Variants in ARHGEF10L observed in about 807,000 individuals in gnomAD.
ARHGEF10L encodes the protein Rho guanine nucleotide exchange factor 10 like.
A neutral mutation model predicts 141.2 loss-of-function variants in ARHGEF10L; 69 were observed. The ratio of observed to expected loss-of-function variants is 0.49; its 90% confidence interval spans 0.40 to 0.60. The LOEUF (loss-of-function observed/expected upper bound fraction) is 0.60. ARHGEF10L is among the 20% of genes least tolerant of loss of function. The pLI, the probability that ARHGEF10L is intolerant of heterozygous loss-of-function variation, is 0.00. For missense variants in ARHGEF10L, 1,482 were observed against 1,734.3 expected, an observed-to-expected ratio of 0.85 and a Z score of 2.58; for synonymous variants, 711 against 718.5, an observed-to-expected ratio of 0.99 and a Z score of 0.17.
intron 25 of ARHGEF10L, among the ~76,000 whole-genome samples, chr1:17,658,561 G>A (rs995968587): frequency 6.6e-6 from 1 of 152,134 alleles, no homozygotes; most frequent in Non-Finnish European, 1.5e-5. Context: ...GGAGGACATG[G>A]GGTCTGAAGG....
chr1:17,619,517 G>T lies in ARHGEF10L; in HGVS notation c.942+72G>T. 1 of 1,247,484 alleles carries T rather than the reference G, an allele frequency of 8.0e-7. No homozygotes were observed. Among genetic ancestry groups the T allele is most frequent in the Non-Finnish European group, 1.1e-6 (1 of 896,120 alleles). 77.3% of individuals were successfully genotyped at this position (1,247,484 alleles called of 1,614,324 possible). ...GCTTGGGGGTTCCAGCCTGTTCTCT[G>T]GGGCCACGCTTGTCTGGATCTCACA... On this transcript the variant is annotated intron_variant, in intron 10 of 28. Transcript: ENST00000361221. The surrounding 1 kb of genome is among the most constrained non-coding windows in gnomAD (Gnocchi z 5.0).
chr1:17,660,481 T>C (rs1194821069), intron 25 of ARHGEF10L, among the ~76,000 whole-genome samples: 1 of 152,202 alleles, frequency 6.6e-6, no homozygotes, highest in African/African-American at 2.4e-5. Context: ...CCTGGAGGAT[T>C]GGCACCTCCC....
At position 17,615,977 on chromosome 1, in the gene ARHGEF10L, G is replaced by A; in HGVS notation, c.727-117G>A. ...TTGGCCTTTGCTCACGGACCTGGGA[G>A]GGAAGGGTCTGGGTGGTTCTGATCT... is the stretch of plus-strand genomic sequence containing the variant. On this transcript the variant is annotated intron_variant, in intron 8 of 28. Coordinates refer to ENST00000361221, the MANE Select transcript of ARHGEF10L (RefSeq NM_018125.4). The surrounding 1 kb of genome is among the most constrained non-coding windows in gnomAD (Gnocchi z 4.7). The A allele has an allele frequency of 1.3e-6, 1 of 790,578 alleles. No individual in the cohort carries two copies. The highest frequency in any genetic ancestry group is 2.2e-6 in the Non-Finnish European group (1 of 464,130). The allele number at this position is 790,578 out of a possible 1,614,324, so 49.0% of individuals were successfully genotyped here.
intron 26 of ARHGEF10L, among the ~76,000 whole-genome samples, chr1:17,686,367 A>G (rs2064598392): frequency 6.6e-6 from 1 of 152,220 alleles, no homozygotes; most frequent in Non-Finnish European, 1.5e-5. Context: ...TGTGCCAAGC[A>G]GGTGACAGGC....
rs1240440282 is a variant in ARHGEF10L, at chr1:17,603,070, G to A, written c.350-438G>A. Among the ~76,000 whole-genome samples, 1 of 151,774 alleles carries A rather than the reference G, an allele frequency of 6.6e-6. No individual in the cohort carries two copies. The highest frequency in any genetic ancestry group is 1.5e-5 in the Non-Finnish European group (1 of 67,926). ...CGTGACTTCTTCCTGGAAGGCCTGT[G>A]GGTCAAGGACCGGCTCCCATCAGGG... On this transcript the variant is annotated intron_variant, in intron 5 of 28. Transcript: ENST00000361221. The surrounding 1 kb of genome is among the most constrained non-coding windows in gnomAD (Gnocchi z 4.8).
intron 9 of ARHGEF10L, among the ~76,000 whole-genome samples, chr1:17,616,506 T>G (rs1223749281): frequency 6.6e-6 from 1 of 152,238 alleles, no homozygotes; most frequent in Non-Finnish European, 1.5e-5. Context: ...CTGGCTCACC[T>G]GTCCTCATCT....
At chr1:17,645,473 A>C (rs1033708797) in intron 21 of ARHGEF10L, among the ~76,000 whole-genome samples, 1 of 152,058 alleles carries the variant, frequency 6.6e-6, no homozygotes, top group Non-Finnish European at 1.5e-5. Flanking sequence ...CCCTGGTGAC[A>C]GGGGCTAGGG....
chr1:17,608,811 G>A (rs2059392284), intron 7 of ARHGEF10L, among the ~76,000 whole-genome samples: 1 of 152,130 alleles, frequency 6.6e-6, no homozygotes, highest in Non-Finnish European at 1.5e-5. Flanking sequence ...TTGAGGCAGA[G>A]TCTCACTCTT....
chr1:17,657,007 G>C (rs1557954581), intron 25 of ARHGEF10L, among the ~76,000 whole-genome samples: 1 of 152,190 alleles, frequency 6.6e-6, no homozygotes, highest in African/African-American at 2.4e-5. Context: ...TTCAGGCTTT[G>C]CCCGATGACA....
chr1:17,637,974 C>T lies in ARHGEF10L; in HGVS notation c.2014C>T (p.Leu672Phe). Reference protein sequence around the residue: ...DLAVVEQITLLISTLHGTYQN... With the variant: ...DLAVVEQITLFISTLHGTYQN... ...GGCCGTGGTGGAGCAGATCACGCTTCTCATCAGCACGCTGCACGGCACCTA... is the reference window on the plus strand; with the variant it reads ...GGCCGTGGTGGAGCAGATCACGCTTTTCATCAGCACGCTGCACGGCACCTA... The change falls in exon 19 of 29, where the codon CTC (leucine) becomes TTC (phenylalanine). Residue 672 changes from leucine (L) to phenylalanine (F), a missense_variant. By Grantham distance (22) the Leu-to-Phe change is conservative. Around this residue, in one of 3 missense-constraint regions of ARHGEF10L, gnomAD observed 858 missense variants for 966.3 expected, o/e 0.89. Transcript: ENST00000361221. 6.3e-7 allele frequency: 1 copy of T among 1,597,292 alleles called. No homozygotes were observed. Among genetic ancestry groups the T allele is most frequent in the Non-Finnish European group, 8.5e-7 (1 of 1,171,772 alleles).
the ARHGEF10L span, among the ~76,000 whole-genome samples, chr1:17,529,146 G>A: frequency 0.56 from 84,482 of 151,820 alleles, 24,194 homozygotes; most frequent in East Asian, 0.82. Flanking sequence ...AGGACTACAG[G>A]CATGCACCAC....
rs111461054 is a variant in ARHGEF10L at position 17,603,495 on chromosome 1, A to T, written c.350-13A>T. The T allele has an allele frequency of 9.3e-6, 15 of 1,610,244 alleles. No individual in the cohort carries two copies. The highest frequency in any genetic ancestry group is 1.3e-5 in the African/African-American group (1 of 74,672). ...GCCCACGGTGGTGCTCTCTCTCCCC[A>T]CTTCCCTCCCAGTTGACCGGTTCAC... On this transcript the variant is annotated splice_polypyrimidine_tract_variant and intron_variant, in intron 5 of 28. Transcript: ENST00000361221. This position sits in a 1 kb window ranked among gnomAD's most constrained non-coding sequence, Gnocchi z 4.8.
chr1:17,574,377 C>G (rs1270096728), intron 1 of ARHGEF10L, among the ~76,000 whole-genome samples: 1 of 152,164 alleles, frequency 6.6e-6, no homozygotes, highest in African/African-American at 2.4e-5. Context: ...GCCTGGTGTT[C>G]CGGTGGAATA....
At chr1:17,694,598 GC>G in intron 27 of ARHGEF10L, 1 of 252,250 alleles carries the variant, frequency 4.0e-6, no homozygotes, top group South Asian at 4.0e-5. Context: ...TCACTCTTGG[GC>G]CCAGGGCCTG....
intron 26 of ARHGEF10L, among the ~76,000 whole-genome samples, chr1:17,687,203 G>T (rs1207270835): frequency 6.6e-6 from 1 of 152,184 alleles, no homozygotes; most frequent in Non-Finnish European, 1.5e-5. Context: ...GCTCTGAGGG[G>T]CCACTGGGAC....
In ARHGEF10L at chr1:17,622,000, G is replaced by A; in HGVS notation, c.1020+59G>A. ...GGAGAAGCAGGGAGGGCCCTGGAGG[G>A]TAACTTTATACGGAGTGTTTGGGGA... is the stretch of plus-strand genomic sequence containing the variant. On this transcript the variant is annotated intron_variant, in intron 11 of 28. Transcript: ENST00000361221. The surrounding 1 kb of genome is among the most constrained non-coding windows in gnomAD (Gnocchi z 4.1). 2 of 1,579,794 alleles carry A rather than the reference G, an allele frequency of 1.3e-6. No homozygotes were observed. Among genetic ancestry groups the A allele is most frequent in the South Asian group, 2.2e-5 (2 of 90,298 alleles).
intron 15 of ARHGEF10L, among the ~76,000 whole-genome samples, chr1:17,628,519 C>T (rs1468404347): frequency 6.6e-6 from 1 of 152,092 alleles, no homozygotes; most frequent in Non-Finnish European, 1.5e-5. Context: ...ACCCCAGCCC[C>T]CCTGTTCACC....
intron 9 of ARHGEF10L, chr1:17,618,253 GCCCTC>G: frequency 1.4e-5 from 19 of 1,356,198 alleles, no homozygotes; most frequent in East Asian, 6.0e-5. Context: ...GCTCTCCTCA[GCCCTC>G]CCCACCCCGC....
At position 17,613,184 on chromosome 1, in the gene ARHGEF10L, G is replaced by T; in HGVS notation, c.726+10G>T. On this transcript the variant is annotated intron_variant, in intron 8 of 28. Coordinates refer to ENST00000361221, the MANE Select transcript of ARHGEF10L (RefSeq NM_018125.4). Reference sequence around the variant, plus strand: ...CAAGTACGATTGTAAGGTATTGTCTGTCTGTCCCCTCAAGCCCTGGATGGG... The same window carrying T: ...CAAGTACGATTGTAAGGTATTGTCTTTCTGTCCCCTCAAGCCCTGGATGGG... 2 of 1,606,536 alleles carry T rather than the reference G, an allele frequency of 1.2e-6. No individual in the cohort carries two copies. Among genetic ancestry groups the T allele is most frequent in the Non-Finnish European group, 1.7e-6 (2 of 1,173,822 alleles).
Sources: allele counts gnomAD v4.1 joint callset (sites outside exome capture counted in the v4.1 genomes callset), GRCh38; gene constraint gnomAD v4.1.1; regional missense constraint gnomAD v4.1.1; non-coding constraint Gnocchi (gnomAD v3.1); transcripts MANE v1.5; gene names NCBI Gene and HGNC (gene_info 2026-07-23, HGNC 2026-07-21).